NOX3: variants seen among roughly 807,000 people sequenced by gnomAD.
NOX3 encodes NADPH oxidase catalytic subunit-like 3.
NOX3 carries 74 observed loss-of-function variants against 76.7 expected under a neutral mutation model. The observed-to-expected ratio is 0.96, with a 90% CI of 0.80 to 1.17. The LOEUF is 1.17. Among genes scored for constraint, NOX3 ranks in the 50% most tolerant of loss-of-function variants. The pLI, the probability that NOX3 is intolerant of heterozygous loss-of-function variation, is 0.00. For missense variants in NOX3, 695 were observed against 703.3 expected, an observed-to-expected ratio of 0.99 and a Z score of 0.13; for synonymous variants, 263 against 261.1, an observed-to-expected ratio of 1.01 and a Z score of -0.07.
chr6:155,436,363 C>G lies in NOX3; in HGVS notation c.798+55G>C. On this transcript the variant is annotated intron_variant, in intron 7 of 13. Transcript: ENST00000159060. ...TCTTTTTTCCAAGCCTATAAAAACT[C>G]TGTATTTTAACTGTGGTGACATTTA... 3 of 1,600,422 alleles carry G rather than the reference C, an allele frequency of 1.9e-6. No homozygotes were observed. In the Admixed American group the frequency reaches 5.0e-5, roughly 27 times the overall value.
In NOX3 at chr6:155,430,906, G is replaced by A; in HGVS notation, c.828C>T (p.Val276=). 1 of 1,612,814 alleles carries A rather than the reference G, an allele frequency of 6.2e-7. No individual in the cohort carries two copies. Among genetic ancestry groups the A allele is most frequent in the East Asian group, 2.2e-5 (1 of 44,840 alleles). Residue 276 remains valine, a synonymous_variant, in exon 8 of 14, where the codon GTC becomes GTT. Transcript: ENST00000159060. Reference sequence around the variant, plus strand: ...TAATTATTCTTTCACATGCATACAAGACCACAGGGCCTAAAATCCATTTCC... The same window carrying A: ...TAATTATTCTTTCACATGCATACAAAACCACAGGGCCTAAAATCCATTTCC... ...SAWKWILGPV[V]LYACERIIRF... is the part of the protein sequence containing the mutation.
intron 6 of NOX3, among the ~76,000 whole-genome samples, chr6:155,437,468 C>A (rs1776923244): frequency 6.6e-6 from 1 of 152,152 alleles, no homozygotes; most frequent in South Asian, 2.1e-4. Flanking sequence ...GAGGAAGGAG[C>A]AGTAATACGC....
intron 5 of NOX3, among the ~76,000 whole-genome samples, chr6:155,442,636 C>T (rs1403349839): frequency 6.6e-6 from 1 of 152,214 alleles, no homozygotes; most frequent in Non-Finnish European, 1.5e-5. Flanking sequence ...GGGAGACGAC[C>T]GTCTTCATCT....
At chr6:155,438,764 C>T (rs1358535590) in intron 6 of NOX3, among the ~76,000 whole-genome samples, 6 of 152,204 alleles carry the variant, frequency 3.9e-5, no homozygotes, top group Non-Finnish European at 8.8e-5. Context: ...CTTCCAGGTC[C>T]GCGCAGAGTC....
rs1446951842 is a variant in NOX3, at chr6:155,439,971, G to C, written c.653C>G (p.Ala218Gly). 1.2e-6 allele frequency: 2 copies of C among 1,613,668 alleles called. No homozygotes were observed. The highest frequency in any genetic ancestry group is 2.2e-5 in the South Asian group (2 of 90,986). The change falls in exon 6 of 14, where the codon GCC (alanine) becomes GGC (glycine). Residue 218 changes from alanine to glycine, a missense_variant. Physicochemically the swap from Ala to Gly is moderately conservative, Grantham distance 60. Coordinates refer to ENST00000159060, the MANE Select transcript of NOX3 (RefSeq NM_015718.3). ...HVFIVFFLSL[A>G]IHGTGRIVRG... ...ATGGACTTACCCCGTCCCATGGATG[G>C]CCAGGCTGAGAAAGAAGACGATGAA...
intron 12 of NOX3, among the ~76,000 whole-genome samples, chr6:155,397,748 T>C (rs1779158522): frequency 6.6e-6 from 1 of 152,244 alleles, no homozygotes. Context: ...TTTTTATAGA[T>C]AATAAAATTA....
intron 7 of NOX3, among the ~76,000 whole-genome samples, chr6:155,433,579 A>C (rs929847436): frequency 6.6e-6 from 1 of 152,238 alleles, no homozygotes; most frequent in African/African-American, 2.4e-5. Context: ...GTTCCCTCCA[A>C]GCTCTTAAAC....
intron 10 of NOX3, 70 bp downstream of exon 10, chr6:155,422,624 G>A (rs778932312): frequency 4.5e-5 from 64 of 1,421,664 alleles, no homozygotes; most frequent in Non-Finnish European, 5.9e-5. Flanking sequence ...CCCAAGAATC[G>A]GCAGATGATA....
chr6:155,397,217 C>A (rs1797491523), intron 12 of NOX3, among the ~76,000 whole-genome samples: 1 of 152,060 alleles, frequency 6.6e-6, no homozygotes, highest in South Asian at 2.1e-4. Flanking sequence ...GGCCATGAAA[C>A]TGTTGAGGGG....
At chr6:155,401,423 A>G (rs1323502290) in intron 12 of NOX3, among the ~76,000 whole-genome samples, 3 of 152,162 alleles carry the variant, frequency 2.0e-5, no homozygotes, top group African/African-American at 4.8e-5. Context: ...TCACATAATG[A>G]ATGTTTAGGA....
chr6:155,425,899 T>C (rs1776749392), intron 9 of NOX3, among the ~76,000 whole-genome samples: 1 of 152,218 alleles, frequency 6.6e-6, no homozygotes, highest in African/African-American at 2.4e-5. Flanking sequence ...TCTCCCTTTT[T>C]CTTGGGTTTA....
intron 11 of NOX3, among the ~76,000 whole-genome samples, chr6:155,408,819 G>A (rs1776502463): frequency 6.6e-6 from 1 of 152,040 alleles, no homozygotes; most frequent in Non-Finnish European, 1.5e-5. Flanking sequence ...GGTGGAGCTG[G>A]AGGCCATTAT....
In NOX3 at chr6:155,407,150, C is replaced by T. The variant is rs754708967; in HGVS notation, c.1560G>A (p.Gln520=). 3 of 1,614,104 alleles carry T rather than the reference C, an allele frequency of 1.9e-6. No homozygotes were observed. The highest frequency in any genetic ancestry group is 1.7e-5 in the Admixed American group (1 of 60,026). ...GRPNWNNEFK[Q]IAYNHPSSSI... is the part of the protein sequence containing the mutation. ...CTTACCTGGGGTGATTGTAGGCAAT[C>T]TGCTTGAACTCATTGTTCCAGTTGG... The change falls in exon 12 of 14, where the codon CAG becomes CAA. Residue 520 remains glutamine, a synonymous_variant. Coordinates refer to ENST00000159060, the MANE Select transcript of NOX3 (RefSeq NM_015718.3).
intron 5 of NOX3, among the ~76,000 whole-genome samples, chr6:155,441,051 G>T (rs6557420): frequency 0.43 from 65,550 of 152,018 alleles, 14,716 homozygotes; most frequent in African/African-American, 0.55. Flanking sequence ...TGGTGGACAC[G>T]GCTAAACGGC....
rs532934091 is a variant in NOX3 at position 155,449,963 on chromosome 6, G to A, written c.340+3441C>T. On this transcript the variant is annotated intron_variant, in intron 4 of 13. Transcript: ENST00000159060. ...TAGCATTTTTTTTCCTCCCAAAAGC[G>A]CAGTTGCCAGACGCATTTCTTCGTT... is the stretch of plus-strand genomic sequence containing the variant. 1.3e-4 allele frequency among the ~76,000 whole-genome samples: 20 copies of A among 152,296 alleles called. 2 individuals carry two copies. Among genetic ancestry groups the A allele is most frequent in the Admixed American group, 1.2e-3 (18 of 15,294 alleles).
intron 10 of NOX3, among the ~76,000 whole-genome samples, chr6:155,411,612 G>T (rs1459352450): frequency 6.6e-6 from 1 of 152,184 alleles, no homozygotes; most frequent in Non-Finnish European, 1.5e-5. Flanking sequence ...AGTTTCTCTG[G>T]ATGAGGATCA....
intron 12 of NOX3, among the ~76,000 whole-genome samples, chr6:155,406,478 C>T (rs1410209249): frequency 5.3e-5 from 8 of 151,984 alleles, no homozygotes; most frequent in East Asian, 1.9e-4. Context: ...ATAATGGAAA[C>T]GATAATAAAA....
At chr6:155,448,874 A>G (rs1777099093) in intron 4 of NOX3, among the ~76,000 whole-genome samples, 1 of 152,172 alleles carries the variant, frequency 6.6e-6, no homozygotes, top group Non-Finnish European at 1.5e-5. Context: ...ACAAGGACCC[A>G]GGGACAGATT....
intron 10 of NOX3, among the ~76,000 whole-genome samples, chr6:155,417,535 C>T (rs377298796): frequency 6.6e-6 from 1 of 152,180 alleles, no homozygotes; most frequent in African/African-American, 2.4e-5. Flanking sequence ...CCTTTTGAGG[C>T]CCTCCGAGGA....
Sources: gnomAD v4.1 joint callset for allele counts (sites outside exome capture counted in the v4.1 genomes callset) on GRCh38, gnomAD v4.1.1 for gene constraint, MANE v1.5 for transcripts, NCBI Gene and HGNC (gene_info 2026-07-23, HGNC 2026-07-21) for gene names.